The following MMP20 variants were observed in gnomAD, a reference collection of about 807,000 sequenced individuals.
MMP20 encodes matrix metallopeptidase 20.
In MMP20, 50 loss-of-function variants were observed where a neutral mutation model predicts 51.8. That is an observed-to-expected ratio of 0.97 (90% CI 0.77 to 1.22). The LOEUF (loss-of-function observed/expected upper bound fraction) is 1.22, where lower values mean the gene tolerates loss of function less well. MMP20 is among the 50% of genes most tolerant of loss of function. The pLI is 0.00. For synonymous variants in MMP20, 244 were observed against 216.2 expected (o/e 1.13, Z -1.13); for missense variants, 663 against 601.4 (o/e 1.10, Z -1.07).
intron 8 of MMP20, among the ~76,000 whole-genome samples, chr11:102,582,545 A>G (rs749140831): frequency 5.3e-4 from 81 of 152,180 alleles, no homozygotes; most frequent in Non-Finnish European, 6.2e-4. Flanking sequence ...TGTGATCTAT[A>G]CTAGAGAAGG....
intron 2 of MMP20, among the ~76,000 whole-genome samples, chr11:102,612,160 C>T (rs375507757): frequency 5.9e-5 from 9 of 152,122 alleles, no homozygotes; most frequent in South Asian, 2.1e-4. Context: ...ATACTACCAC[C>T]GACTTAAAAG....
chr11:102,613,518 A>T (rs911086345), intron 2 of MMP20, among the ~76,000 whole-genome samples: 1 of 152,224 alleles, frequency 6.6e-6, no homozygotes, highest in African/African-American at 2.4e-5. Context: ...ACCTGTGATA[A>T]TTACCTAGGA....
chr11:102,595,414 C>T (rs1387000827), intron 6 of MMP20, among the ~76,000 whole-genome samples: 1 of 152,280 alleles, frequency 6.6e-6, no homozygotes. Context: ...TATGCACCCC[C>T]CCATTCCAAA....
chr11:102,609,467 A>C (rs1274865047), intron 4 of MMP20, among the ~76,000 whole-genome samples: 3 of 152,030 alleles, frequency 2.0e-5, no homozygotes, highest in Non-Finnish European at 4.4e-5. Context: ...TACAGCCTAC[A>C]CCTTTTGATC....
At chr11:102,606,828 C>T (rs1057356688) in intron 5 of MMP20, 152 bp from the exon 6 acceptor site, 4 of 846,566 alleles carry the variant, frequency 4.7e-6, no homozygotes, top group African/African-American at 1.7e-5. Context: ...TGAGTCCCGG[C>T]TCTCCTGGTT....
At position 102,593,502 on chromosome 11, in the gene MMP20, T is replaced by G. The variant is rs766873878; in HGVS notation, c.1184A>C (p.Asp395Ala). The G allele has an allele frequency of 5.0e-6, 8 of 1,613,882 alleles. No homozygotes were observed. The Admixed American group carries it at 8.3e-5, about 17-fold the overall frequency. ...FGFPRHVQQI[D>A]AAVYLREPQK... ...TGGCTCCCTGAGGTAGACAGCAGCA[T>G]CTATTTGCTGCACGTGCCTTGGAAA... The change falls in exon 8 of 10, where the codon GAT becomes GCT. Residue 395 changes from aspartate to alanine, a missense_variant. By Grantham distance (126) the Asp-to-Ala change is moderately radical (BLOSUM62 -2). Transcript: ENST00000260228.
At chr11:102,606,480 T>C in intron 6 of MMP20, 55 bp downstream of exon 6, 1 of 1,611,356 alleles carries the variant, frequency 6.2e-7, no homozygotes, top group Non-Finnish European at 8.5e-7. Flanking sequence ...GGACGACGTT[T>C]GTCTGGGAGT....
At chr11:102,589,899 C>T (rs1423658759) in intron 8 of MMP20, among the ~76,000 whole-genome samples, 1 of 152,020 alleles carries the variant, frequency 6.6e-6, no homozygotes, top group Non-Finnish European at 1.5e-5. Context: ...CAAATAAAAA[C>T]ATCTATTTCT....
intron 7 of MMP20, 77 bp downstream of exon 7, chr11:102,594,544 C>G (rs967244970): frequency 4.1e-5 from 65 of 1,578,006 alleles, no homozygotes; most frequent in Admixed American, 8.8e-5. Flanking sequence ...TGGAAAAATG[C>G]TGGCAGGGCT....
Position 102,601,125 on chromosome 11 carries a change from C to CTTTTTTTTTTTT in MMP20, c.953+5398_953+5409dup, listed in dbSNP as rs1168517234. ...AAATGACCACGAAGTGTCGGCTATT[C>CTTTTTTTTTTTT]TTTTTTTTTTTTTTTTTTTTTTTTT... On this transcript the variant is annotated intron_variant, in intron 6 of 9. Transcript: ENST00000260228. 6.7e-4 allele frequency among the ~76,000 whole-genome samples: 19 copies of CTTTTTTTTTTTT among 28,266 alleles called. 5 individuals are homozygous for CTTTTTTTTTTTT. Among genetic ancestry groups the CTTTTTTTTTTTT allele is most frequent in the African/African-American group, 1.9e-3 (11 of 5,852 alleles). The allele number at this position is 28,266 out of a possible 152,430, so 18.5% of individuals were successfully genotyped here.
At chr11:102,619,347 GT>G (rs1028093404) in intron 1 of MMP20, among the ~76,000 whole-genome samples, 42 of 152,060 alleles carry the variant, frequency 2.8e-4, no homozygotes, top group African/African-American at 9.6e-4. Flanking sequence ...TCTAGTTTTT[GT>G]TTCACAAAAT....
rs1238885428 is a variant in MMP20, at chr11:102,593,583, C to T, written c.1103G>A (p.Trp368Ter). Residue 368 changes from tryptophan (W) to a stop codon, truncating the protein, a stop_gained, in exon 8 of 10, where the codon TGG becomes TAG. Coordinates refer to ENST00000260228, the MANE Select transcript of MMP20 (RefSeq NM_004771.4). LOFTEE classifies it high-confidence loss of function. ...TTGCATTTGGAATCCTCTTGTTATC[C>T]AGTAGTGGGGACCTGAAAACAGAAA... ...TAYFFKGPHY[W>*]ITRGFQMQGP... 5 of 1,614,062 alleles carry T rather than the reference C, an allele frequency of 3.1e-6. No individual in the cohort carries two copies. Among genetic ancestry groups the T allele is most frequent in the South Asian group, 2.2e-5 (2 of 91,076 alleles).
chr11:102,599,667 A>G (rs1327139882), intron 6 of MMP20, among the ~76,000 whole-genome samples: 3 of 152,240 alleles, frequency 2.0e-5, no homozygotes, highest in African/African-American at 7.2e-5. Flanking sequence ...AATATAGCCA[A>G]GTTTCCTTCT....
chr11:102,586,200 A>G (rs1404471080), intron 8 of MMP20, among the ~76,000 whole-genome samples: 6 of 152,108 alleles, frequency 3.9e-5, no homozygotes, highest in African/African-American at 1.2e-4. Context: ...TAAGGTTTGG[A>G]GGAGTTTGTA....
Position 102,617,057 on chromosome 11 carries a change from C to A in MMP20, c.129G>T (p.Ala43=). The A allele has an allele frequency of 6.2e-7, 1 of 1,614,158 alleles. No individual in the cohort carries two copies. Among genetic ancestry groups the A allele is most frequent in the Non-Finnish European group, 8.5e-7 (1 of 1,180,022 alleles). ...TWRNNYRLAQ[A]YLDKYYTNKE... Reference sequence around the variant, plus strand: ...TATTTGTGTAATATTTGTCAAGATACGCCTGAAATGGAGAGGCAGGCTGAC... The same window carrying A: ...TATTTGTGTAATATTTGTCAAGATAAGCCTGAAATGGAGAGGCAGGCTGAC... The change falls in exon 2 of 10, where the codon GCG becomes GCT. Residue 43 remains alanine (A), a splice_region_variant and synonymous_variant. Coordinates refer to ENST00000260228, the MANE Select transcript of MMP20 (RefSeq NM_004771.4).
chr11:102,613,757 C>T (rs565440767), intron 2 of MMP20, among the ~76,000 whole-genome samples: 1 of 152,220 alleles, frequency 6.6e-6, no homozygotes, highest in African/African-American at 2.4e-5. Flanking sequence ...AAGAAGAGAG[C>T]TATAGAATTG....
intron 6 of MMP20, among the ~76,000 whole-genome samples, chr11:102,600,219 C>G (rs1417172165): frequency 6.6e-6 from 1 of 152,198 alleles, no homozygotes; most frequent in Non-Finnish European, 1.5e-5. Flanking sequence ...CCATGGTGGG[C>G]TTACCTCAAG....
chr11:102,587,846 T>C (rs892977128), intron 8 of MMP20, among the ~76,000 whole-genome samples: 3 of 152,180 alleles, frequency 2.0e-5, no homozygotes, highest in Non-Finnish European at 2.9e-5. Context: ...GAACCTAAAA[T>C]GTATCTGCTG....
chr11:102,578,631 G>A (rs966485106), intron 9 of MMP20, among the ~76,000 whole-genome samples: 1 of 152,192 alleles, frequency 6.6e-6, no homozygotes, highest in Non-Finnish European at 1.5e-5. Flanking sequence ...AGCTACTTGG[G>A]AGGCTGAGGT....
Sources: allele counts gnomAD v4.1 joint callset (sites outside exome capture counted in the v4.1 genomes callset), GRCh38; gene constraint gnomAD v4.1.1; transcripts MANE v1.5; gene names NCBI Gene and HGNC (gene_info 2026-07-23, HGNC 2026-07-21).